The following UBXN8 variants were observed in gnomAD, a reference collection of about 807,000 sequenced individuals.
UBXN8 encodes UBX domain protein 8.
Under a neutral mutation model 32.1 loss-of-function variants are expected in UBXN8, and 27 were observed. That is an observed-to-expected ratio of 0.84 (90% confidence interval 0.62 to 1.16). UBXN8 has a LOEUF of 1.16. UBXN8 is among the 50% of genes most tolerant of loss of function. The pLI, the probability that UBXN8 is intolerant of heterozygous loss-of-function variation, is 0.00. For synonymous variants in UBXN8, 109 were observed against 111.8 expected (o/e 0.98, Z 0.16); for missense variants, 306 against 311.4 (o/e 0.98, Z 0.13).
intron 2 of UBXN8, 125 bp downstream of exon 2, chr8:30,751,643 G>A: frequency 1.3e-6 from 1 of 746,176 alleles, no homozygotes; most frequent in Non-Finnish European, 2.0e-6. Flanking sequence ...AGAGTAATCA[G>A]TACAACTTTA....
Position 30,766,421 on chromosome 8 carries a change from A to AT in UBXN8, c.*28dup. ...AAAGAAGGGAGAGCTCCCTGTTTGCATGAAGTCAGTTATGCTATGACCTTC... is the reference window on the plus strand; with the variant it reads ...AAAGAAGGGAGAGCTCCCTGTTTGCATTGAAGTCAGTTATGCTATGACCTTC... On this transcript the variant is annotated 3_prime_UTR_variant, in exon 8 of 8. Transcript: ENST00000265616. 6.4e-7 allele frequency: 1 copy of AT among 1,553,974 alleles called. No individual in the cohort carries two copies. Among genetic ancestry groups the AT allele is most frequent in the African/African-American group, 1.4e-5 (1 of 73,856 alleles).
intron 1 of UBXN8, among the ~76,000 whole-genome samples, chr8:30,736,856 C>G (rs905815852): frequency 1.3e-5 from 2 of 152,168 alleles, no homozygotes; most frequent in Non-Finnish European, 2.9e-5. Context: ...CACATCCACA[C>G]CTCTTAGCTT....
At chr8:30,739,276 G>A (rs534170450), upstream of UBXN8, among the ~76,000 whole-genome samples, 1 of 151,124 alleles carries the variant, frequency 6.6e-6, no homozygotes, top group East Asian at 2.0e-4. Context: ...CGGGTATGGT[G>A]GCTCACGCCT....
upstream of UBXN8, among the ~76,000 whole-genome samples, chr8:30,740,271 G>A (rs147267474): frequency 1.9e-3 from 281 of 151,032 alleles, 2 homozygotes; most frequent in African/African-American, 6.5e-3. Context: ...TGCTCATGAT[G>A]TGTCCATTTC....
At chr8:30,746,104 A>G (rs1475593579) in intron 1 of UBXN8, among the ~76,000 whole-genome samples, 1 of 152,186 alleles carries the variant, frequency 6.6e-6, no homozygotes, top group Non-Finnish European at 1.5e-5. Flanking sequence ...TTGTATTCCC[A>G]GCACTTACCA....
At chr8:30,739,117 G>A (rs1805134463) in intron 1 of UBXN8, among the ~76,000 whole-genome samples, 1 of 150,876 alleles carries the variant, frequency 6.6e-6, no homozygotes, top group African/African-American at 2.4e-5. Context: ...CATGGGGGTT[G>A]ATGGTGGTGA....
At chr8:30,748,045 T>C (rs1217442476) in intron 1 of UBXN8, among the ~76,000 whole-genome samples, 2 of 147,352 alleles carry the variant, frequency 1.4e-5, no homozygotes, top group Non-Finnish European at 3.0e-5. Flanking sequence ...TTCAGACATA[T>C]ATTGAAAAAC....
At chr8:30,762,599 G>A (rs1362547577) in intron 6 of UBXN8, among the ~76,000 whole-genome samples, 2 of 151,282 alleles carry the variant, frequency 1.3e-5, no homozygotes, top group Non-Finnish European at 1.5e-5. Context: ...CACCGTGTTG[G>A]CCAGGCTGGT....
At chr8:30,766,148 A>C in intron 7 of UBXN8, 79 bp from the exon 8 acceptor site, 1 of 1,396,140 alleles carries the variant, frequency 7.2e-7, no homozygotes. Flanking sequence ...TGACAAAATT[A>C]TAAAATGTTA....
At chr8:30,757,726 G>A (rs1431600313) in intron 5 of UBXN8, among the ~76,000 whole-genome samples, 1 of 151,622 alleles carries the variant, frequency 6.6e-6, no homozygotes, top group Non-Finnish European at 1.5e-5. Flanking sequence ...AGGTGCAGTG[G>A]CAGGCGCCTG....
At chr8:30,742,890 G>GT (rs796277186), upstream of UBXN8, among the ~76,000 whole-genome samples, 3,980 of 148,400 alleles carry the variant, frequency 0.027, 167 homozygotes, top group African/African-American at 0.091. Context: ...ATCTTTCCCA[G>GT]TTTTTTTTTT....
intron 7 of UBXN8, among the ~76,000 whole-genome samples, chr8:30,764,103 C>T (rs937299678): frequency 3.9e-5 from 6 of 152,196 alleles, no homozygotes; most frequent in Non-Finnish European, 8.8e-5. Flanking sequence ...AAACCAGTTA[C>T]TAACATTTTG....
At position 30,766,360 on chromosome 8, in the gene UBXN8, T is replaced by C; in HGVS notation, c.779T>C (p.Val260Ala). The C allele has an allele frequency of 1.2e-6, 2 of 1,611,992 alleles. No homozygotes were observed. The highest frequency in any genetic ancestry group is 1.7e-6 in the Non-Finnish European group (2 of 1,178,888). The part of the protein sequence containing the change: ...LEDIGITVDT[V>A]LILEEKEQTN ...GACATAGGAATAACTGTGGACACTG[T>C]ACTCATCCTGGAGGAGAAGGAGCAG... Residue 260 changes from valine (V) to alanine (A), a missense_variant, in exon 8 of 8, where the codon GTA becomes GCA. Transcript: ENST00000265616.
At chr8:30,761,388 G>T (rs1233627497) in intron 6 of UBXN8, among the ~76,000 whole-genome samples, 1 of 152,074 alleles carries the variant, frequency 6.6e-6, no homozygotes, top group Non-Finnish European at 1.5e-5. Context: ...GGGATTACAG[G>T]CATCTGCCAC....
At chr8:30,766,177 T>G in intron 7 of UBXN8, 50 bp from the exon 8 acceptor site, 1 of 1,548,770 alleles carries the variant, frequency 6.5e-7, no homozygotes, top group Non-Finnish European at 8.8e-7. Context: ...TAAAGGGACA[T>G]GGTGTGTAAA....
intron 7 of UBXN8, 132 bp downstream of exon 7, chr8:30,763,479 C>A: frequency 1.2e-6 from 1 of 862,250 alleles, no homozygotes; most frequent in Non-Finnish European, 1.8e-6. Context: ...AGGACATTTC[C>A]AGGTACTCCA....
chr8:30,744,185 C>T lies in UBXN8; in HGVS notation c.-5C>T, dbSNP rs759695320. On this transcript the variant is annotated 5_prime_UTR_variant, in exon 1 of 8. Coordinates refer to ENST00000265616, the MANE Select transcript of UBXN8 (RefSeq NM_005671.4). ...TTTCCGCCTGCACCAGGCGCTTCCG[C>T]CACCATGGCTTCACGTGGGGTTGTT... 1 of 1,612,272 alleles carries T rather than the reference C, an allele frequency of 6.2e-7. No individual in the cohort carries two copies. Among genetic ancestry groups the T allele is most frequent in the Admixed American group, 1.7e-5 (1 of 59,662 alleles).
Position 30,760,447 on chromosome 8 carries a change from T to A in UBXN8, c.529-441T>A, listed in dbSNP as rs867069894. 2.2e-3 allele frequency among the ~76,000 whole-genome samples: 200 copies of A among 92,226 alleles called. No individual in the cohort carries two copies. In the South Asian group the frequency reaches 0.022, roughly 10 times the overall value. 60.5% of individuals were successfully genotyped at this position (92,226 alleles called of 152,430 possible). On this transcript the variant is annotated intron_variant, in intron 5 of 7. Transcript: ENST00000265616. ...TATATATATATATATATATATATTT[T>A]TTTTTTTTTTTAAAGTGACAGGGTC...
At chr8:30,758,354 G>A (rs1339230917) in intron 5 of UBXN8, among the ~76,000 whole-genome samples, 1 of 152,144 alleles carries the variant, frequency 6.6e-6, no homozygotes, top group Non-Finnish European at 1.5e-5. Context: ...TTTCCTTACT[G>A]GCCCTTCTAG....
Sources: allele counts gnomAD v4.1 joint callset (sites outside exome capture counted in the v4.1 genomes callset), GRCh38; gene constraint gnomAD v4.1.1; transcripts MANE v1.5; gene names NCBI Gene and HGNC (gene_info 2026-07-23, HGNC 2026-07-21).